The following IL1RAPL1 variants were observed in gnomAD, a reference collection of about 807,000 sequenced individuals.
IL1RAPL1 encodes interleukin-1 receptor accessory protein-like 1.
Under a neutral mutation model 48.4 loss-of-function variants are expected in IL1RAPL1, and 3 were observed. The ratio of observed to expected loss-of-function variants is 0.06; its 90% CI spans 0.03 to 0.16. The LOEUF (loss-of-function observed/expected upper bound fraction) is 0.16. IL1RAPL1 is among the 10% of genes least tolerant of loss of function. The pLI, the probability that IL1RAPL1 is intolerant of heterozygous loss-of-function variation, is 1.00. For synonymous variants in IL1RAPL1, 185 were observed against 187.7 expected, an observed-to-expected ratio of 0.99 and a Z score of 0.12; for missense variants, 349 against 530.6, an observed-to-expected ratio of 0.66 and a Z score of 3.36.
At chrX:29,896,362 G>A (rs1423406269) in intron 6 of IL1RAPL1, among the ~76,000 whole-genome samples, 1 of 108,746 alleles carries the variant, frequency 9.2e-6, no homozygotes, top group Non-Finnish European at 1.9e-5. Context: ...TTAACCAGGG[G>A]AGAAGACAGT....
chrX:29,668,014 G>A (rs1410257510), intron 5 of IL1RAPL1, among the ~76,000 whole-genome samples: 1 of 111,252 alleles, frequency 9.0e-6, no homozygotes, highest in Admixed American at 9.5e-5. Flanking sequence ...TAAGAATAAT[G>A]AGATAAATTT....
rs776046005 is a variant in IL1RAPL1 at position 28,731,335 on chromosome X, G to T, written c.-24-57985G>T. ...CTGGGTGTGGTAAATTAAGTGGCTTGTATTAAAAAGACAATGATTGCTAGC... is the reference window on the plus strand; with the variant it reads ...CTGGGTGTGGTAAATTAAGTGGCTTTTATTAAAAAGACAATGATTGCTAGC... On this transcript the variant is annotated intron_variant, in intron 1 of 10. Transcript: ENST00000378993. 5.4e-5 allele frequency among the ~76,000 whole-genome samples: 6 copies of T among 111,437 alleles called. No homozygotes were observed. In the East Asian group the frequency reaches 1.7e-3, roughly 31 times the overall value.
chrX:29,224,318 G>T (rs1444104093), intron 2 of IL1RAPL1, among the ~76,000 whole-genome samples: 1 of 110,877 alleles, frequency 9.0e-6, no homozygotes, highest in African/African-American at 3.3e-5. Flanking sequence ...CTGACTACCG[G>T]CTCCAAGCAT....
At chrX:28,636,243 A>ATG (rs1934463634) in intron 1 of IL1RAPL1, among the ~76,000 whole-genome samples, 2 of 111,742 alleles carry the variant, frequency 1.8e-5, no homozygotes. Flanking sequence ...AAGTTTACTC[A>ATG]TTAAGCATTT....
At chrX:29,873,245 G>A (rs1931834439) in intron 6 of IL1RAPL1, among the ~76,000 whole-genome samples, 1 of 111,242 alleles carries the variant, frequency 9.0e-6, no homozygotes, top group Admixed American at 9.6e-5. Flanking sequence ...TAAATATCAG[G>A]TGATTCTTCT....
chrX:29,727,313 A>G (rs1927799140), intron 6 of IL1RAPL1, among the ~76,000 whole-genome samples: 1 of 112,152 alleles, frequency 8.9e-6, no homozygotes, highest in African/African-American at 3.2e-5. Flanking sequence ...TGTGAAATAG[A>G]CAGTGCCAGA....
chrX:29,775,086 A>G (rs1929161530), intron 6 of IL1RAPL1, among the ~76,000 whole-genome samples: 1 of 111,995 alleles, frequency 8.9e-6, no homozygotes, highest in Non-Finnish European at 1.9e-5. Flanking sequence ...CAGGAGGCAG[A>G]TACAAAGACT....
intron 2 of IL1RAPL1, among the ~76,000 whole-genome samples, chrX:29,206,814 G>A (rs1298517204): frequency 9.0e-6 from 1 of 111,669 alleles, no homozygotes; most frequent in South Asian, 3.7e-4. Context: ...AATTGGAAGG[G>A]ATAATTATTG....
intron 1 of IL1RAPL1, among the ~76,000 whole-genome samples, chrX:28,733,431 T>C (rs1484439026): frequency 9.0e-6 from 1 of 110,806 alleles, no homozygotes; most frequent in Non-Finnish European, 1.9e-5. Flanking sequence ...GTCTGGGTTT[T>C]GGAGCCACCA....
rs181533003 is a variant in IL1RAPL1, at chrX:28,682,117, A to G, written c.-25+94070A>G. 5.7e-3 allele frequency among the ~76,000 whole-genome samples: 633 copies of G among 111,593 alleles called. 2 individuals carry two copies. Among genetic ancestry groups the G allele is most frequent in the African/African-American group, 0.02 (615 of 30,704 alleles). ...ATTCATTTATGTTGTAGCATGTATC[A>G]GTCCTTTCTTATTTTTATGGCTGAA... On this transcript the variant is annotated intron_variant, in intron 1 of 10. Coordinates refer to ENST00000378993, the MANE Select transcript of IL1RAPL1 (RefSeq NM_014271.4).
intron 2 of IL1RAPL1, among the ~76,000 whole-genome samples, chrX:28,882,147 T>G (rs1025142450): frequency 1.8e-5 from 2 of 110,410 alleles, no homozygotes; most frequent in Non-Finnish European, 3.8e-5. Flanking sequence ...AATATATATA[T>G]ATATCTTGAA....
intron 2 of IL1RAPL1, among the ~76,000 whole-genome samples, chrX:28,831,418 A>G (rs1373066908): frequency 1.8e-5 from 2 of 108,964 alleles, no homozygotes; most frequent in African/African-American, 6.7e-5. Context: ...CATTGAGCAA[A>G]TTCTGAGTCA....
intron 3 of IL1RAPL1, among the ~76,000 whole-genome samples, chrX:29,370,339 TA>T (rs202240042): frequency 3.9e-5 from 1 of 25,756 alleles, no homozygotes; most frequent in African/African-American, 1.4e-4. Flanking sequence ...TGACATGAAG[TA>T]TTTTTTTTAT....
intron 2 of IL1RAPL1, among the ~76,000 whole-genome samples, chrX:29,264,024 A>G (rs1224209719): frequency 3.6e-5 from 4 of 111,143 alleles, no homozygotes; most frequent in Non-Finnish European, 7.5e-5. Flanking sequence ...AAAGTAATCA[A>G]TTAGCATATG....
chrX:29,683,216 AG>A (rs779933201), intron 6 of IL1RAPL1, among the ~76,000 whole-genome samples: 27 of 112,011 alleles, frequency 2.4e-4, no homozygotes, highest in African/African-American at 8.7e-4. Context: ...ATAGGTGGCT[AG>A]GTAGGTAGAT....
At chrX:29,786,140 C>T (rs866539343) in intron 6 of IL1RAPL1, among the ~76,000 whole-genome samples, 1 of 110,479 alleles carries the variant, frequency 9.1e-6, no homozygotes, top group Non-Finnish European at 1.9e-5. Flanking sequence ...CGTCAACAAC[C>T]GAATAGTTGT....
At chrX:28,951,166 A>G (rs1271992127) in intron 2 of IL1RAPL1, among the ~76,000 whole-genome samples, 41 of 100,291 alleles carry the variant, frequency 4.1e-4, no homozygotes, top group Non-Finnish European at 6.9e-4. Flanking sequence ...AGATATACCT[A>G]ATGCTAGATG....
At chrX:29,117,653 A>T (rs1928703878) in intron 2 of IL1RAPL1, among the ~76,000 whole-genome samples, 1 of 112,126 alleles carries the variant, frequency 8.9e-6, no homozygotes, top group Non-Finnish European at 1.9e-5. Flanking sequence ...GAATTTTGAT[A>T]AAAGATAGGT....
chrX:29,344,433 C>T (rs1435015846), intron 3 of IL1RAPL1, among the ~76,000 whole-genome samples: 1 of 111,908 alleles, frequency 8.9e-6, no homozygotes, highest in Non-Finnish European at 1.9e-5. Flanking sequence ...ATTCATTTTA[C>T]ATAGCTATTT....
Sources: gnomAD v4.1 joint callset for allele counts (sites outside exome capture counted in the v4.1 genomes callset) on GRCh38, gnomAD v4.1.1 for gene constraint, MANE v1.5 for transcripts, NCBI Gene and HGNC (gene_info 2026-07-23, HGNC 2026-07-21) for gene names.